The following SETBP1 variants were observed in gnomAD, a reference collection of about 807,000 sequenced individuals.
SETBP1 encodes SET-binding protein.
SETBP1 carries 9 observed loss-of-function variants against 101.0 expected under a neutral mutation model. That is an observed-to-expected ratio of 0.09 (90% confidence interval 0.05 to 0.16). The LOEUF is 0.16. Ranked by LOEUF, SETBP1 falls within the 10% of genes least tolerant of loss-of-function variation. SETBP1 has a pLI of 1.00. For synonymous variants in SETBP1, 818 were observed against 788.5 expected (o/e 1.04, Z -0.63); for missense variants, 1,858 against 2,033.8 (o/e 0.91, Z 1.66).
chr18:44,817,862 CAT>C (rs980990133), intron 2 of SETBP1, among the ~76,000 whole-genome samples: 15 of 152,300 alleles, frequency 9.8e-5, no homozygotes, highest in African/African-American at 3.4e-4. Flanking sequence ...GAAATCAAAA[CAT>C]GTGTGTCCTT....
At chr18:44,852,003 GA>G (rs2072878149) in intron 2 of SETBP1, among the ~76,000 whole-genome samples, 1 of 152,202 alleles carries the variant, frequency 6.6e-6, no homozygotes, top group Non-Finnish European at 1.5e-5. Context: ...GCGGTTCTAG[GA>G]AGCGAATAAG....
chr18:44,745,693 T>C (rs1037673655), intron 2 of SETBP1, among the ~76,000 whole-genome samples: 2 of 152,212 alleles, frequency 1.3e-5, no homozygotes, highest in African/African-American at 4.8e-5. Flanking sequence ...GTTCAGACTC[T>C]GTCTTGTCCT....
chr18:44,942,555 G>T (rs1273531688), intron 3 of SETBP1, among the ~76,000 whole-genome samples: 1 of 152,114 alleles, frequency 6.6e-6, no homozygotes, highest in Non-Finnish European at 1.5e-5. Context: ...CCTATGCCCA[G>T]ATTTAGAAAG....
intron 2 of SETBP1, among the ~76,000 whole-genome samples, chr18:44,799,717 T>A (rs879887033): frequency 6.6e-6 from 1 of 152,176 alleles, no homozygotes; most frequent in Non-Finnish European, 1.5e-5. Context: ...GTATACTTGA[T>A]AGGAGCTGTG....
At chr18:44,797,742 A>G (rs1342768006) in intron 2 of SETBP1, among the ~76,000 whole-genome samples, 3 of 152,222 alleles carry the variant, frequency 2.0e-5, no homozygotes, top group Non-Finnish European at 4.4e-5. Context: ...CAGGTGCGCC[A>G]TGGAGAGAGC....
chr18:44,899,718 C>G (rs1403158099), intron 3 of SETBP1, among the ~76,000 whole-genome samples: 1 of 152,198 alleles, frequency 6.6e-6, no homozygotes, highest in Non-Finnish European at 1.5e-5. Context: ...GTAGCTGGTC[C>G]TGACTCAGAT....
At chr18:44,705,351 A>G (rs2069196360) in intron 2 of SETBP1, among the ~76,000 whole-genome samples, 1 of 152,212 alleles carries the variant, frequency 6.6e-6, no homozygotes, top group Non-Finnish European at 1.5e-5. Flanking sequence ...CAGAGGTACT[A>G]TGACCTTCAA....
chr18:44,873,376 T>C (rs1345059029), intron 3 of SETBP1, among the ~76,000 whole-genome samples: 2 of 152,228 alleles, frequency 1.3e-5, no homozygotes, highest in Non-Finnish European at 2.9e-5. Flanking sequence ...GATGAGACAA[T>C]GCATGTGAAA....
chr18:44,980,414 CAA>C (rs759888246), intron 4 of SETBP1, among the ~76,000 whole-genome samples: 3 of 151,564 alleles, frequency 2.0e-5, no homozygotes, highest in Non-Finnish European at 4.4e-5. Flanking sequence ...CGTAGAATCT[CAA>C]AGTTAGAGGA....
At chr18:44,725,441 A>T (rs1002169674) in intron 2 of SETBP1, among the ~76,000 whole-genome samples, 2 of 152,148 alleles carry the variant, frequency 1.3e-5, no homozygotes, top group African/African-American at 4.8e-5. Context: ...GGTTTGGGGA[A>T]GTAGTTAGGA....
At chr18:44,949,689 T>C (rs1568232880) in intron 3 of SETBP1, among the ~76,000 whole-genome samples, 192 bp from the exon 4 acceptor site, 1 of 152,264 alleles carries the variant, frequency 6.6e-6, no homozygotes, top group Non-Finnish European at 1.5e-5. Flanking sequence ...ACCAGTGCAA[T>C]ACATCTTTAC....
chr18:44,907,368 C>T (rs772587846), intron 3 of SETBP1, among the ~76,000 whole-genome samples: 5 of 152,148 alleles, frequency 3.3e-5, no homozygotes, highest in Non-Finnish European at 5.9e-5. Context: ...TGGGTATATA[C>T]TTAGGAGCAG....
At chr18:44,780,200 A>C (rs536181544) in intron 2 of SETBP1, among the ~76,000 whole-genome samples, 2 of 152,072 alleles carry the variant, frequency 1.3e-5, no homozygotes, top group Non-Finnish European at 2.9e-5. Flanking sequence ...ATTGTGCCCC[A>C]AATCCCCAAG....
chr18:44,986,258 GT>G (rs961616426), intron 4 of SETBP1: 1 of 152,124 alleles, frequency 6.6e-6, no homozygotes, highest in Non-Finnish European at 1.5e-5. Context: ...CATAGAAAAG[GT>G]ACAGCAAAAA....
intron 2 of SETBP1, among the ~76,000 whole-genome samples, chr18:44,763,758 C>T (rs2070708109): frequency 6.6e-6 from 1 of 152,122 alleles, no homozygotes. Flanking sequence ...TAATCCTTTC[C>T]TCCTTTTTAA....
At chr18:44,767,751 G>A (rs2070788910) in intron 2 of SETBP1, among the ~76,000 whole-genome samples, 1 of 152,134 alleles carries the variant, frequency 6.6e-6, no homozygotes, top group African/African-American at 2.4e-5. Context: ...GTCTTTAAAT[G>A]TTTGACATCA....
At chr18:44,749,569 G>A (rs562592107) in intron 2 of SETBP1, among the ~76,000 whole-genome samples, 2 of 152,296 alleles carry the variant, frequency 1.3e-5, no homozygotes, top group East Asian at 1.9e-4. Context: ...CTGATACTGT[G>A]CACAGCATCT....
At chr18:45,017,233 C>CG (rs1300588815) in intron 4 of SETBP1, among the ~76,000 whole-genome samples, 2 of 152,082 alleles carry the variant, frequency 1.3e-5, no homozygotes, top group African/African-American at 4.8e-5. Context: ...GGTCTGGGCA[C>CG]GACACACTTT....
rs144137134 is a variant in SETBP1 at position 44,758,214 on chromosome 18, A to T, written c.486+56382A>T. 1.6e-3 allele frequency among the ~76,000 whole-genome samples: 243 copies of T among 152,312 alleles called. 2 individuals are homozygous for T. The highest frequency in any genetic ancestry group is 5.7e-3 in the African/African-American group (237 of 41,566). ...GACACCCCAGAGCTCATAGACTGAGAGTACACACACACTCCTGAGCTTTAG... is the reference window on the plus strand; with the variant it reads ...GACACCCCAGAGCTCATAGACTGAGTGTACACACACACTCCTGAGCTTTAG... On this transcript the variant is annotated intron_variant, in intron 2 of 5. Coordinates refer to ENST00000649279, the MANE Select transcript of SETBP1 (RefSeq NM_015559.3).
Sources: allele counts gnomAD v4.1 joint callset (sites outside exome capture counted in the v4.1 genomes callset), GRCh38; gene constraint gnomAD v4.1.1; transcripts MANE v1.5; gene names NCBI Gene and HGNC (gene_info 2026-07-23, HGNC 2026-07-21).